The following DOCK3 variants were observed in gnomAD, a reference collection of about 807,000 sequenced individuals.
DOCK3 encodes dedicator of cytokinesis protein 3.
DOCK3 carries 60 observed loss-of-function variants against 265.6 expected under a neutral mutation model. The ratio of observed to expected loss-of-function variants is 0.23; its 90% confidence interval spans 0.18 to 0.28. DOCK3 has a LOEUF of 0.28. Ranked by LOEUF, DOCK3 falls within the 10% of genes least tolerant of loss-of-function variation. DOCK3 has a pLI of 1.00. For synonymous variants in DOCK3, 881 were observed against 938.0 expected (o/e 0.94, Z 1.11); for missense variants, 1,981 against 2,594.3 (o/e 0.76, Z 5.14).
At chr3:51,068,489 G>T (rs189991072) in intron 6 of DOCK3, among the ~76,000 whole-genome samples, 1 of 145,562 alleles carries the variant, frequency 6.9e-6, no homozygotes, top group African/African-American at 2.5e-5. Flanking sequence ...GCAGTGAGCC[G>T]AGGTTGCGCC....
chr3:51,240,793 C>T (rs1560267860), intron 21 of DOCK3, among the ~76,000 whole-genome samples: 1 of 152,136 alleles, frequency 6.6e-6, no homozygotes, highest in African/African-American at 2.4e-5. Flanking sequence ...AGATTTTTCT[C>T]CATCCCTTTA....
chr3:51,312,560 A>G lies in DOCK3; in HGVS notation c.3178A>G (p.Lys1060Glu). 6.3e-7 allele frequency: 1 copy of G among 1,590,848 alleles called. No individual in the cohort carries two copies. Among genetic ancestry groups the G allele is most frequent in the Non-Finnish European group, 8.5e-7 (1 of 1,174,218 alleles). ...AGAAATTATCACCTCAGCCAAAAGG[A>G]AGAAGATTCTAGATAAGTAAGATAA... The part of the protein sequence containing the change: ...QLEIITSAKR[K>E]KILDKYGDMR... The change falls in exon 30 of 53, where the codon AAG becomes GAG. Residue 1060 changes from lysine to glutamate, a missense_variant. Coordinates refer to ENST00000266037, the MANE Select transcript of DOCK3 (RefSeq NM_004947.5).
intron 4 of DOCK3, among the ~76,000 whole-genome samples, chr3:50,896,219 G>A (rs747053687): frequency 3.9e-5 from 6 of 152,148 alleles, no homozygotes; most frequent in Non-Finnish European, 8.8e-5. Context: ...GTATTTCATT[G>A]TGGTTTTGAT....
At chr3:51,046,136 A>C (rs1389812239) in intron 5 of DOCK3, among the ~76,000 whole-genome samples, 1 of 152,204 alleles carries the variant, frequency 6.6e-6, no homozygotes, top group East Asian at 1.9e-4. Flanking sequence ...TTATATCACT[A>C]CAAAAAATCA....
intron 28 of DOCK3, among the ~76,000 whole-genome samples, chr3:51,311,521 G>A (rs2083065450): frequency 6.6e-6 from 1 of 152,086 alleles, no homozygotes; most frequent in Admixed American, 6.5e-5. Context: ...AATAGTATAT[G>A]ACAAAAGCAA....
chr3:51,032,004 T>G (rs988523166), intron 5 of DOCK3, among the ~76,000 whole-genome samples: 4 of 152,304 alleles, frequency 2.6e-5, no homozygotes, highest in South Asian at 2.1e-4. Context: ...GTGTATAAAG[T>G]ACCCAAGTAT....
intron 2 of DOCK3, among the ~76,000 whole-genome samples, chr3:50,800,767 A>G (rs1451946609): frequency 6.6e-6 from 1 of 151,802 alleles, no homozygotes; most frequent in African/African-American, 2.4e-5. Flanking sequence ...AGGTTATATG[A>G]AATCTTTCTA....
intron 2 of DOCK3, among the ~76,000 whole-genome samples, chr3:50,835,568 T>C (rs1044466222): frequency 6.6e-6 from 1 of 152,220 alleles, no homozygotes; most frequent in African/African-American, 2.4e-5. Flanking sequence ...CCTCATATCC[T>C]ACATAGAACA....
At chr3:50,815,044 T>C (rs2043996906) in intron 2 of DOCK3, among the ~76,000 whole-genome samples, 1 of 151,948 alleles carries the variant, frequency 6.6e-6, no homozygotes, top group South Asian at 2.1e-4. Context: ...AGGATGGTCT[T>C]GATCTCTTGA....
intron 38 of DOCK3, among the ~76,000 whole-genome samples, chr3:51,346,404 CTTGCAATAG>C (rs2085577994): frequency 6.6e-6 from 1 of 151,820 alleles, no homozygotes; most frequent in South Asian, 2.1e-4. Context: ...GTTTTCTGTC[CTTGCAATAG>C]TTTGCTCAGA....
At chr3:50,882,045 G>A (rs1172720277) in intron 3 of DOCK3, among the ~76,000 whole-genome samples, 1 of 152,120 alleles carries the variant, frequency 6.6e-6, no homozygotes, top group African/African-American at 2.4e-5. Context: ...AATGGTGCTC[G>A]GAAAACTGGC....
chr3:51,317,961 C>CT (rs564793259), intron 32 of DOCK3, among the ~76,000 whole-genome samples: 50 of 150,678 alleles, frequency 3.3e-4, no homozygotes, highest in East Asian at 5.8e-4. Flanking sequence ...CAGTTTTGTC[C>CT]TTTTTTTTTC....
chr3:50,747,976 C>T (rs912615291), intron 1 of DOCK3, among the ~76,000 whole-genome samples: 1 of 152,070 alleles, frequency 6.6e-6, no homozygotes, highest in Admixed American at 6.5e-5. Context: ...CTGCTAAACT[C>T]TCTTATTCTA....
chr3:50,815,440 T>C (rs2044019601), intron 2 of DOCK3, among the ~76,000 whole-genome samples: 1 of 152,196 alleles, frequency 6.6e-6, no homozygotes, highest in African/African-American at 2.4e-5. Flanking sequence ...TACAAATGTT[T>C]GGGATTTTGG....
intron 3 of DOCK3, among the ~76,000 whole-genome samples, chr3:50,862,316 A>G (rs1003337078): frequency 1.3e-5 from 2 of 152,254 alleles, no homozygotes; most frequent in Non-Finnish European, 2.9e-5. Flanking sequence ...GGCAGAGGAT[A>G]GGGAGAACTC....
intron 3 of DOCK3, among the ~76,000 whole-genome samples, chr3:50,867,312 A>G (rs901277109): frequency 6.6e-6 from 1 of 152,162 alleles, no homozygotes; most frequent in Non-Finnish European, 1.5e-5. Flanking sequence ...CAGTTCTAAA[A>G]GGTTTTTTTG....
At chr3:51,121,019 A>C (rs904048677) in intron 9 of DOCK3, among the ~76,000 whole-genome samples, 20 of 152,128 alleles carry the variant, frequency 1.3e-4, no homozygotes, top group African/African-American at 4.6e-4. Flanking sequence ...GGTATGGAAA[A>C]AAACAAACAA....
At position 51,178,011 on chromosome 3, in the gene DOCK3, A is replaced by AC. The variant is rs1453816127; in HGVS notation, c.1037+17309_1037+17310insC. ...TCTCAAAAAAACAAAAAACAAACAA[A>AC]AAAAAACTCAAAATAGTAAAAAAAA... On this transcript the variant is annotated intron_variant, in intron 12 of 52. Transcript: ENST00000266037. Among the ~76,000 whole-genome samples, 441 of 115,590 alleles carry AC rather than the reference A, an allele frequency of 3.8e-3. 1 individual carries two copies. Among genetic ancestry groups the AC allele is most frequent in the East Asian group, 6.5e-3 (27 of 4,158 alleles). 75.8% of individuals were successfully genotyped at this position (115,590 alleles called of 152,430 possible).
intron 4 of DOCK3, among the ~76,000 whole-genome samples, chr3:50,904,406 A>C (rs1019926790): frequency 1.3e-5 from 2 of 152,174 alleles, no homozygotes; most frequent in African/African-American, 4.8e-5. Context: ...CTATTTCTCC[A>C]CATCCTCTCC....
Sources: allele counts gnomAD v4.1 joint callset (sites outside exome capture counted in the v4.1 genomes callset), GRCh38; gene constraint gnomAD v4.1.1; transcripts MANE v1.5; gene names NCBI Gene and HGNC (gene_info 2026-07-23, HGNC 2026-07-21).